NUP153: variants seen among roughly 807,000 people sequenced by gnomAD.
NUP153 encodes the protein nuclear pore complex protein Nup153.
A neutral mutation model predicts 134.6 loss-of-function variants in NUP153; 27 were observed. That is an observed-to-expected ratio of 0.20 (90% CI 0.15 to 0.28). The LOEUF (loss-of-function observed/expected upper bound fraction) is 0.28, where lower values mean the gene tolerates loss of function less well. Ranked by LOEUF, NUP153 falls within the 10% of genes least tolerant of loss-of-function variation. NUP153 has a pLI of 1.00. For missense variants in NUP153, 1,821 were observed against 1,731.3 expected, an observed-to-expected ratio of 1.05 and a Z score of -0.92; for synonymous variants, 640 against 623.5, an observed-to-expected ratio of 1.03 and a Z score of -0.40.
chr6:17,667,652 T>C (rs1007087915), intron 8 of NUP153, among the ~76,000 whole-genome samples: 3 of 152,104 alleles, frequency 2.0e-5, no homozygotes, highest in African/African-American at 4.8e-5. Context: ...AGGTGGAGGT[T>C]GCAGTGAGCT....
At chr6:17,660,418 C>G (rs1290206018) in intron 11 of NUP153, among the ~76,000 whole-genome samples, 1 of 151,900 alleles carries the variant, frequency 6.6e-6, no homozygotes, top group East Asian at 1.9e-4. Context: ...GACTTGCATT[C>G]AACTTAAAGT....
chr6:17,625,778 T>A lies in NUP153; in HGVS notation c.3901+30A>T. Reference sequence around the variant, plus strand: ...CACTAATAAGTAAAGTCCATCCAATTACAATGCATTTTTTCTTTTGTAAAT... The same window carrying A: ...CACTAATAAGTAAAGTCCATCCAATAACAATGCATTTTTTCTTTTGTAAAT... On this transcript the variant is annotated intron_variant, in intron 19 of 21. Transcript: ENST00000262077. This position sits in a 1 kb window ranked among gnomAD's most constrained non-coding sequence, Gnocchi z 4.7. The A allele has an allele frequency of 6.6e-7, 1 of 1,511,416 alleles. No homozygotes were observed. The highest frequency in any genetic ancestry group is 9.2e-7 in the Non-Finnish European group (1 of 1,089,688). 93.6% of individuals were successfully genotyped at this position (1,511,416 alleles called of 1,614,324 possible). A position where few individuals can be genotyped will look rare whatever the true frequency, so the allele number is the denominator to read the frequency against.
At chr6:17,670,740 AT>A (rs78734391) in intron 5 of NUP153, among the ~76,000 whole-genome samples, 6,207 of 152,242 alleles carry the variant, frequency 0.041, 391 homozygotes, top group East Asian at 0.29. Context: ...TTTAAAAAAT[AT>A]TTTATGTATC....
intron 2 of NUP153, among the ~76,000 whole-genome samples, chr6:17,683,195 T>A (rs1768716479): frequency 6.6e-6 from 1 of 152,122 alleles, no homozygotes; most frequent in African/African-American, 2.4e-5. Flanking sequence ...TCACAAATGG[T>A]TTTTCTCCCC....
chr6:17,649,300 C>T lies in NUP153; in HGVS notation c.1396G>A (p.Glu466Lys). ...TTCGGTAATACTGGAACTTCCATTT[C>T]CTAAAACATAACATGTTGCATGATA... ...FVASKPLEEE[E>K]MEVPVLPKIS... Residue 466 changes from glutamate (E) to lysine (K), a missense_variant and splice_region_variant, in exon 12 of 22, where the codon GAA becomes AAA. Glu to Lys is a moderately conservative substitution (Grantham distance 56, BLOSUM62 1). Coordinates refer to ENST00000262077, the MANE Select transcript of NUP153 (RefSeq NM_005124.4). The T allele has an allele frequency of 3.1e-6, 5 of 1,607,950 alleles. No individual in the cohort carries two copies. Among genetic ancestry groups the T allele is most frequent in the Non-Finnish European group, 1.7e-6 (2 of 1,178,242 alleles).
chr6:17,639,756 TAG>T (rs1316136446), intron 15 of NUP153, among the ~76,000 whole-genome samples, 181 bp downstream of exon 15: 1 of 152,244 alleles, frequency 6.6e-6, no homozygotes, highest in East Asian at 1.9e-4. Context: ...CATTTTAGTA[TAG>T]AGTCCTTTGG....
intron 1 of NUP153, among the ~76,000 whole-genome samples, chr6:17,696,661 A>G (rs1769664672): frequency 6.6e-6 from 1 of 152,168 alleles, no homozygotes; most frequent in Non-Finnish European, 1.5e-5. Context: ...AGGCTGAGGC[A>G]GGAGAATGGC....
At chr6:17,627,463 T>A (rs1765002929) in intron 18 of NUP153, among the ~76,000 whole-genome samples, 1 of 152,300 alleles carries the variant, frequency 6.6e-6, no homozygotes, top group African/African-American at 2.4e-5. Flanking sequence ...TCTAAAAACA[T>A]CTGTATTTTG....
chr6:17,703,313 G>T lies in NUP153; in HGVS notation c.111+2964C>A, dbSNP rs553608707. The stretch of plus-strand genomic sequence containing the variant: ...CAAAACAGGAAATTACAAGTCAAAT[G>T]AACACATGCAGAAGTCATAGGTACT... On this transcript the variant is annotated intron_variant, in intron 1 of 21. Transcript: ENST00000262077. Among the ~76,000 whole-genome samples, 94 of 152,108 alleles carry T rather than the reference G, an allele frequency of 6.2e-4. 1 individual carries two copies. The highest frequency in any genetic ancestry group is 1.1e-3 in the Non-Finnish European group (77 of 67,998).
chr6:17,635,551 G>A (rs1441744571), intron 16 of NUP153, among the ~76,000 whole-genome samples: 1 of 152,120 alleles, frequency 6.6e-6, no homozygotes, highest in African/African-American at 2.4e-5. Context: ...ATAGGCGGGT[G>A]CCACCAAGCC....
chr6:17,676,051 A>G (rs1008368499), intron 2 of NUP153, among the ~76,000 whole-genome samples: 1 of 152,204 alleles, frequency 6.6e-6, no homozygotes, highest in Non-Finnish European at 1.5e-5. Flanking sequence ...GATTAAACCC[A>G]TTCACTTTTT....
chr6:17,629,097 A>G lies in NUP153; in HGVS notation c.3102T>C (p.Ala1034=), dbSNP rs541883405. Reference sequence around the variant, plus strand: ...CAGAGGTCACTATGGTGTTAGCAGGAGCAGGGGTGGAGTTAATAACACCTG... The same window carrying G: ...CAGAGGTCACTATGGTGTTAGCAGGGGCAGGGGTGGAGTTAATAACACCTG... The part of the protein sequence containing the change: ...FGTGVINSTP[A]PANTIVTSEN... The change falls in exon 18 of 22, where the codon GCT becomes GCC. Residue 1034 remains alanine (A), a synonymous_variant. Coordinates refer to ENST00000262077, the MANE Select transcript of NUP153 (RefSeq NM_005124.4). The G allele has an allele frequency of 6.8e-6, 11 of 1,614,238 alleles. 2 individuals are homozygous for G. In the Admixed American group the frequency reaches 1.7e-4, roughly 24 times the overall value.
chr6:17,665,186 C>T (rs1399723392), intron 9 of NUP153, 53 bp downstream of exon 9: 2 of 1,360,268 alleles, frequency 1.5e-6, no homozygotes, highest in African/African-American at 2.9e-5. Flanking sequence ...ATTATTTAGT[C>T]TTACTTATTC....
chr6:17,699,532 CTG>C (rs1769910641), intron 1 of NUP153, among the ~76,000 whole-genome samples: 1 of 148,594 alleles, frequency 6.7e-6, no homozygotes, highest in Admixed American at 6.8e-5. Context: ...TTGCAATACT[CTG>C]TGCCTAATGA....
chr6:17,676,821 G>C (rs1438259898), intron 2 of NUP153, among the ~76,000 whole-genome samples: 1 of 152,176 alleles, frequency 6.6e-6, no homozygotes, highest in African/African-American at 2.4e-5. Flanking sequence ...ACACTGCAGA[G>C]TAGGGAACTG....
chr6:17,647,670 G>GT (rs369614968), intron 13 of NUP153, 137 bp downstream of exon 13: 2 of 617,142 alleles, frequency 3.2e-6, no homozygotes, highest in South Asian at 2.1e-5. Context: ...TTGTTCAAAA[G>GT]TTTTTTACAC....
intron 9 of NUP153, among the ~76,000 whole-genome samples, chr6:17,662,351 T>C (rs564402862): frequency 1.6e-4 from 25 of 152,324 alleles, no homozygotes; most frequent in Non-Finnish European, 2.6e-4. Context: ...TTACTTTACT[T>C]ATCCCTCTTT....
At position 17,649,216 on chromosome 6, in the gene NUP153, T is replaced by A. The variant is rs1766380483; in HGVS notation, c.1480A>T (p.Ile494Phe). The change falls in exon 12 of 22, where the codon ATC becomes TTC. Residue 494 changes from isoleucine (I) to phenylalanine (F), a missense_variant. Transcript: ENST00000262077. ...ATGGGTGATGGAGAGGAAGTTGTGA[T>A]CTCAGGGGAACTAAAATTAAAGGTA... Reference protein sequence around the residue: ...LPTFNFSSPEITTSSPSPINS... With the variant: ...LPTFNFSSPEFTTSSPSPINS... 3 of 1,613,896 alleles carry A rather than the reference T, an allele frequency of 1.9e-6. No homozygotes were observed. Among genetic ancestry groups the A allele is most frequent in the African/African-American group, 2.7e-5 (2 of 74,926 alleles).
chr6:17,689,762 T>G (rs1581769365), intron 1 of NUP153, among the ~76,000 whole-genome samples: 1 of 151,896 alleles, frequency 6.6e-6, no homozygotes, highest in East Asian at 1.9e-4. Flanking sequence ...CGACCTCAGG[T>G]GATCCGCCCA....
Sources: allele counts gnomAD v4.1 joint callset (sites outside exome capture counted in the v4.1 genomes callset), GRCh38; gene constraint gnomAD v4.1.1; non-coding constraint Gnocchi (gnomAD v3.1); transcripts MANE v1.5; gene names NCBI Gene and HGNC (gene_info 2026-07-23, HGNC 2026-07-21).